The following PAIP2B variants were observed in gnomAD, a reference collection of about 807,000 sequenced individuals.
PAIP2B encodes poly(A) binding protein interacting protein 2B, also known as polyadenylate-binding protein-interacting protein 2B.
PAIP2B carries 13 observed loss-of-function variants against 17.0 expected under a neutral mutation model. That is an observed-to-expected ratio of 0.76 (90% CI 0.50 to 1.22). The LOEUF (loss-of-function observed/expected upper bound fraction) is 1.22. Ranked by LOEUF, PAIP2B falls within the 50% of genes most tolerant of loss-of-function variation. PAIP2B has a pLI of 0.00. For synonymous variants in PAIP2B, 43 were observed against 48.7 expected (o/e 0.88, Z 0.48); for missense variants, 117 against 144.5 (o/e 0.81, Z 0.98).
At chr2:71,198,577 G>A (rs1256718324) in intron 2 of PAIP2B, among the ~76,000 whole-genome samples, 3 of 151,952 alleles carry the variant, frequency 2.0e-5, no homozygotes, top group Non-Finnish European at 2.9e-5. Flanking sequence ...GAGCCACCGC[G>A]CCCAGCCGCT....
chr2:71,207,728 G>A (rs1675172165), intron 1 of PAIP2B, among the ~76,000 whole-genome samples: 1 of 152,146 alleles, frequency 6.6e-6, no homozygotes, highest in African/African-American at 2.4e-5. Context: ...TTTTGGTGAT[G>A]AACTAGATGT....
chr2:71,189,993 A>T lies in PAIP2B; in HGVS notation c.167T>A (p.Phe56Tyr), dbSNP rs1248899224. 2 of 1,612,682 alleles carry T rather than the reference A, an allele frequency of 1.2e-6. No homozygotes were observed. The highest frequency in any genetic ancestry group is 1.7e-6 in the Non-Finnish European group (2 of 1,179,452). ...CATCTCTTGGAAGCAGCGGTCCAAG[A>T]AGTCTTGCTCCTGCAGTTCCTCCTC... is the stretch of plus-strand genomic sequence containing the variant. ...QVEEELQEQDFLDRCFQEMLD... is the reference protein window; with the variant it reads ...QVEEELQEQDYLDRCFQEMLD... Residue 56 changes from phenylalanine to tyrosine, a missense_variant, in exon 3 of 4, where the codon TTC becomes TAC. Coordinates refer to ENST00000244221, the MANE Select transcript of PAIP2B (RefSeq NM_020459.1).
At chr2:71,204,115 T>G (rs1368992669) in intron 1 of PAIP2B, among the ~76,000 whole-genome samples, 1 of 152,142 alleles carries the variant, frequency 6.6e-6, no homozygotes, top group Non-Finnish European at 1.5e-5. Flanking sequence ...AGATTCTCAA[T>G]TCCTGACAAG....
chr2:71,212,713 C>T (rs1307354582), intron 1 of PAIP2B, among the ~76,000 whole-genome samples: 2 of 152,114 alleles, frequency 1.3e-5, no homozygotes, highest in Non-Finnish European at 2.9e-5. Flanking sequence ...CTCAGCCTCC[C>T]AAAGTGCTGA....
intron 1 of PAIP2B, among the ~76,000 whole-genome samples, chr2:71,220,557 A>T (rs1440482205): frequency 1.3e-5 from 2 of 152,252 alleles, no homozygotes; most frequent in Admixed American, 1.3e-4. Flanking sequence ...TAAAATGTTT[A>T]AAAATGTTAA....
At chr2:71,211,089 A>G (rs1675283538) in intron 1 of PAIP2B, among the ~76,000 whole-genome samples, 1 of 152,174 alleles carries the variant, frequency 6.6e-6, no homozygotes, top group African/African-American at 2.4e-5. Context: ...TCTACTAAAA[A>G]TACAAAAATT....
chr2:71,218,718 T>C (rs1194715702), intron 1 of PAIP2B, among the ~76,000 whole-genome samples: 1 of 152,160 alleles, frequency 6.6e-6, no homozygotes, highest in African/African-American at 2.4e-5. Context: ...GTGGCAATGA[T>C]TCACTTAATA....
intron 2 of PAIP2B, among the ~76,000 whole-genome samples, chr2:71,199,418 A>C (rs1674917613): frequency 6.6e-6 from 1 of 152,128 alleles, no homozygotes; most frequent in Non-Finnish European, 1.5e-5. Flanking sequence ...TAAAAAAAAA[A>C]AAAAAATCTA....
Position 71,185,923 on chromosome 2 carries a change from A to G in PAIP2B, c.*2556T>C, listed in dbSNP as rs960903976. On this transcript the variant is annotated 3_prime_UTR_variant, in exon 4 of 4. Transcript: ENST00000244221. ...ACAGATCAATCACTAATAAACTAACATTGGGACCAGCCAGATTGGCAACTG... is the reference window on the plus strand; with the variant it reads ...ACAGATCAATCACTAATAAACTAACGTTGGGACCAGCCAGATTGGCAACTG... The G allele has an allele frequency of 6.6e-6, 1 of 152,256 alleles. No homozygotes were observed. Among genetic ancestry groups the G allele is most frequent in the Non-Finnish European group, 1.5e-5 (1 of 68,038 alleles). 9.4% of individuals were successfully genotyped at this position (152,256 alleles called of 1,614,324 possible).
chr2:71,220,063 T>G (rs1374573152), intron 1 of PAIP2B, among the ~76,000 whole-genome samples: 1 of 152,210 alleles, frequency 6.6e-6, no homozygotes, highest in South Asian at 2.1e-4. Flanking sequence ...ATAGTTTACT[T>G]AACCAGTTCC....
At chr2:71,216,778 G>A (rs1340185595) in intron 1 of PAIP2B, among the ~76,000 whole-genome samples, 1 of 152,180 alleles carries the variant, frequency 6.6e-6, no homozygotes, top group Non-Finnish European at 1.5e-5. Flanking sequence ...GTTTCTTTCT[G>A]TAGGCCCAAA....
chr2:71,217,072 T>C (rs1252164793), intron 1 of PAIP2B, among the ~76,000 whole-genome samples: 1 of 152,190 alleles, frequency 6.6e-6, no homozygotes, highest in Admixed American at 6.5e-5. Context: ...TATAATAAAA[T>C]ACCAAGTAGC....
At chr2:71,191,412 T>C (rs896857325) in intron 2 of PAIP2B, among the ~76,000 whole-genome samples, 3 of 152,190 alleles carry the variant, frequency 2.0e-5, no homozygotes, top group Non-Finnish European at 2.9e-5. Context: ...TGCTAGCTCT[T>C]ATTAAATTTA....
chr2:71,224,787 A>T (rs1225240470), intron 1 of PAIP2B, among the ~76,000 whole-genome samples: 2 of 152,188 alleles, frequency 1.3e-5, no homozygotes, highest in Non-Finnish European at 2.9e-5. Flanking sequence ...TGAGCTCCTC[A>T]AGGTCTCTAA....
chr2:71,226,465 G>A (rs1675730249), intron 1 of PAIP2B, among the ~76,000 whole-genome samples: 1 of 152,208 alleles, frequency 6.6e-6, no homozygotes. Flanking sequence ...AGGACGCGCA[G>A]GGGCCGCGAA....
intron 1 of PAIP2B, among the ~76,000 whole-genome samples, chr2:71,210,268 G>T (rs1394074330): frequency 6.6e-6 from 1 of 152,168 alleles, no homozygotes; most frequent in African/African-American, 2.4e-5. Context: ...AAAGAGAAAG[G>T]GGGAGTAGTT....
At chr2:71,213,475 T>A (rs1465968914) in intron 1 of PAIP2B, among the ~76,000 whole-genome samples, 1 of 152,100 alleles carries the variant, frequency 6.6e-6, no homozygotes, top group Non-Finnish European at 1.5e-5. Flanking sequence ...GAACATTTCT[T>A]GGGAGAAAGG....
intron 1 of PAIP2B, among the ~76,000 whole-genome samples, chr2:71,215,297 C>CAA (rs549141222): frequency 1.4e-5 from 2 of 139,094 alleles, no homozygotes; most frequent in African/African-American, 5.3e-5. Flanking sequence ...GACTTCGTCT[C>CAA]AAAAAAAAAA....
rs1388381696 is a variant in PAIP2B, at chr2:71,186,828, T to G, written c.*1651A>C. 2 of 152,240 alleles carry G rather than the reference T, an allele frequency of 1.3e-5. No homozygotes were observed. The highest frequency in any genetic ancestry group is 2.4e-5 in the African/African-American group (1 of 41,456). 9.4% of individuals were successfully genotyped at this position (152,240 alleles called of 1,614,324 possible). A position where few individuals can be genotyped will look rare whatever the true frequency, so the allele number is the denominator to read the frequency against. On this transcript the variant is annotated 3_prime_UTR_variant, in exon 4 of 4. Coordinates refer to ENST00000244221, the MANE Select transcript of PAIP2B (RefSeq NM_020459.1). ...GTGACCTAACAAGGAAGGCAATTTTTTCAAATGATATAATCCTAAAGACTC... is the reference window on the plus strand; with the variant it reads ...GTGACCTAACAAGGAAGGCAATTTTGTCAAATGATATAATCCTAAAGACTC...
Sources: gnomAD v4.1 joint callset for allele counts (sites outside exome capture counted in the v4.1 genomes callset) on GRCh38, gnomAD v4.1.1 for gene constraint, MANE v1.5 for transcripts, NCBI Gene and HGNC (gene_info 2026-07-23, HGNC 2026-07-21) for gene names.